HMCN1: variants seen among roughly 807,000 people sequenced by gnomAD.
HMCN1 encodes the protein hemicentin 1.
In HMCN1, 321 loss-of-function variants were observed where a neutral mutation model predicts 625.9. The ratio of observed to expected loss-of-function variants is 0.51; its 90% confidence interval spans 0.47 to 0.56. The LOEUF is 0.56. HMCN1 is among the 20% of genes least tolerant of loss of function. The pLI, the probability that HMCN1 is intolerant of heterozygous loss-of-function variation, is 0.00. For missense variants in HMCN1, 6,588 were observed against 6,887.3 expected (o/e 0.96, Z 1.54); for synonymous variants, 2,425 against 2,417.6 (o/e 1.00, Z -0.09).
intron 2 of HMCN1, among the ~76,000 whole-genome samples, chr1:185,851,729 A>G (rs977637735): frequency 6.6e-6 from 1 of 152,056 alleles, no homozygotes; most frequent in Admixed American, 6.6e-5. Flanking sequence ...TGGCAGTGAT[A>G]TGCTTTCAAG....
chr1:186,171,932 C>T (rs1652256820), intron 101 of HMCN1, 74 bp from the exon 102 acceptor site: 17 of 1,460,094 alleles, frequency 1.2e-5, no homozygotes, highest in Non-Finnish European at 1.6e-5. Flanking sequence ...CCCTAAAATC[C>T]AAAAGTATGA....
chr1:185,745,100 G>A lies in HMCN1; in HGVS notation c.268+10053G>A, dbSNP rs189978615. 2.5e-3 allele frequency among the ~76,000 whole-genome samples: 377 copies of A among 152,240 alleles called. 5 individuals are homozygous for A. The highest frequency in any genetic ancestry group is 8.8e-3 in the African/African-American group (365 of 41,556). On this transcript the variant is annotated intron_variant, in intron 1 of 106. Transcript: ENST00000271588. The stretch of plus-strand genomic sequence containing the variant: ...GAGGTTAAAATTTGAAATTAGCATA[G>A]GATGGAAGAGAAAAGATATGCAAAG...
intron 54 of HMCN1, among the ~76,000 whole-genome samples, chr1:186,077,705 T>A (rs2102366050): frequency 6.6e-6 from 1 of 152,328 alleles, no homozygotes. Context: ...ATAGTACACT[T>A]TATACTTTTA....
At position 186,174,775 on chromosome 1, in the gene HMCN1, C is replaced by T. The variant is rs575545240; in HGVS notation, c.15943+133C>T. ...ATAATAAGGTATGTGAATTGATTTA[C>T]GTCATTCAACACAATTTGGATACTT... On this transcript the variant is annotated intron_variant, in intron 103 of 106. Coordinates refer to ENST00000271588, the MANE Select transcript of HMCN1 (RefSeq NM_031935.3). The T allele has an allele frequency of 1.3e-4, 104 of 792,434 alleles. No homozygotes were observed. The South Asian group carries it at 1.4e-3, about 11-fold the overall frequency. The allele number at this position is 792,434 out of a possible 1,614,324, so 49.1% of individuals were successfully genotyped here. A position where few individuals can be genotyped will look rare whatever the true frequency, so the allele number is the denominator to read the frequency against.
At chr1:186,170,374 T>C (rs552450476) in intron 100 of HMCN1, among the ~76,000 whole-genome samples, 1 of 152,332 alleles carries the variant, frequency 6.6e-6, no homozygotes, top group African/African-American at 2.4e-5. Context: ...TCAATCATTG[T>C]GGAAGACAGT....
chr1:185,942,052 G>A (rs1049472151), intron 11 of HMCN1, among the ~76,000 whole-genome samples: 14 of 151,904 alleles, frequency 9.2e-5, no homozygotes, highest in African/African-American at 2.7e-4. Flanking sequence ...TTAGCCAGGC[G>A]TGGTGGCACA....
At position 186,145,901 on chromosome 1, in the gene HMCN1, G is replaced by A; in HGVS notation, c.14586G>A (p.Arg4862=). ...PCPGDTTQVT[R]CNVQACPGGP... Reference sequence around the variant, plus strand: ...CCGGAGACACTACTCAGGTGACCAGGTGCAATGTACAAGCATGTCCAGGTA... The same window carrying A: ...CCGGAGACACTACTCAGGTGACCAGATGCAATGTACAAGCATGTCCAGGTA... The change falls in exon 93 of 107, where the codon AGG becomes AGA. Residue 4862 remains arginine (R), a synonymous_variant. Coordinates refer to ENST00000271588, the MANE Select transcript of HMCN1 (RefSeq NM_031935.3). 1.2e-6 allele frequency: 2 copies of A among 1,614,022 alleles called. No individual in the cohort carries two copies. The highest frequency in any genetic ancestry group is 8.5e-7 in the Non-Finnish European group (1 of 1,179,990).
Position 186,001,347 on chromosome 1 carries a change from G to T in HMCN1, c.4119G>T (p.Leu1373Phe). 1 of 1,612,028 alleles carries T rather than the reference G, an allele frequency of 6.2e-7. No individual in the cohort carries two copies. Among genetic ancestry groups the T allele is most frequent in the Non-Finnish European group, 8.5e-7 (1 of 1,178,514 alleles). Residue 1373 changes from leucine (L) to phenylalanine (F), a missense_variant, in exon 27 of 107, where the codon TTG becomes TTT. This residue lies in a region of HMCN1 where 4,628 missense variants were observed against 4,853.1 expected (regional missense o/e 0.95). Transcript: ENST00000271588. ...DKEQVTNVSV[L>F]LNQLTNLFCE... ...AACAAGTTACAAATGTGTCGGTGTT[G>T]TTAAATCAGCTGACCAATCTCTTCT...
intron 11 of HMCN1, among the ~76,000 whole-genome samples, chr1:185,950,603 G>T (rs909466975): frequency 6.6e-6 from 1 of 151,730 alleles, no homozygotes; most frequent in African/African-American, 2.4e-5. Context: ...TGCCGAGATA[G>T]GTAACAGATG....
intron 83 of HMCN1, 57 bp from the exon 84 acceptor site, chr1:186,129,909 C>T (rs987838578): frequency 1.1e-5 from 17 of 1,605,706 alleles, no homozygotes; most frequent in Non-Finnish European, 1.4e-5. Context: ...ACTGAGCTGT[C>T]GTGAAATTTT....
chr1:186,141,867 G>A (rs1216059086), intron 89 of HMCN1, among the ~76,000 whole-genome samples: 1 of 152,208 alleles, frequency 6.6e-6, no homozygotes, highest in African/African-American at 2.4e-5. Context: ...AGCCCAGAGT[G>A]TCTGCCTGGA....
At chr1:185,801,263 A>G (rs1658773591) in intron 1 of HMCN1, among the ~76,000 whole-genome samples, 1 of 152,206 alleles carries the variant, frequency 6.6e-6, no homozygotes, top group Admixed American at 6.5e-5. Context: ...TCGGTGGGCT[A>G]AGATATTGTC....
chr1:186,113,816 G>C lies in HMCN1; in HGVS notation c.11132-163G>C, dbSNP rs569984744. Reference sequence around the variant, plus strand: ...TTTAAACACAAAGTATCTTGAGTAAGACTTTAGGAATTAAACCTCAATTCT... The same window carrying C: ...TTTAAACACAAAGTATCTTGAGTAACACTTTAGGAATTAAACCTCAATTCT... On this transcript the variant is annotated intron_variant, in intron 72 of 106. Transcript: ENST00000271588. 3.3e-5 allele frequency among the ~76,000 whole-genome samples: 5 copies of C among 152,284 alleles called. No homozygotes were observed. In the East Asian group the frequency reaches 9.6e-4, roughly 29 times the overall value.
chr1:185,814,575 C>T (rs1451312204), intron 1 of HMCN1, among the ~76,000 whole-genome samples: 1 of 150,842 alleles, frequency 6.6e-6, no homozygotes, highest in Non-Finnish European at 1.5e-5. Flanking sequence ...CAGTTGGCCA[C>T]TGGGGAGTTA....
At chr1:185,741,996 C>T (rs184838958) in intron 1 of HMCN1, among the ~76,000 whole-genome samples, 119 of 152,138 alleles carry the variant, frequency 7.8e-4, no homozygotes, top group African/African-American at 2.5e-3. Context: ...GTCCAACTAC[C>T]GGAATGGTTG....
intron 15 of HMCN1, among the ~76,000 whole-genome samples, chr1:185,973,110 A>G (rs1650944812): frequency 6.6e-6 from 1 of 152,090 alleles, no homozygotes; most frequent in Non-Finnish European, 1.5e-5. Flanking sequence ...CTCATCTATA[A>G]AATAATGATC....
At chr1:185,777,577 G>C (rs539147929) in intron 1 of HMCN1, among the ~76,000 whole-genome samples, 41 of 152,126 alleles carry the variant, frequency 2.7e-4, no homozygotes, top group Non-Finnish European at 3.2e-4. Context: ...TCAACCTCCT[G>C]AGTAGCTGGG....
chr1:185,886,768 AC>A (rs1664679078), intron 4 of HMCN1, among the ~76,000 whole-genome samples: 1 of 152,038 alleles, frequency 6.6e-6, no homozygotes. Flanking sequence ...CTTGACTTCT[AC>A]TTTTCCCTAC....
chr1:185,865,564 T>C (rs1663124105), intron 3 of HMCN1, among the ~76,000 whole-genome samples, 177 bp from the exon 4 acceptor site: 1 of 131,090 alleles, frequency 7.6e-6, no homozygotes. Context: ...GAGTATAAAG[T>C]CAATAATTAT....
Sources: gnomAD v4.1 joint callset for allele counts (sites outside exome capture counted in the v4.1 genomes callset) on GRCh38, gnomAD v4.1.1 for gene constraint, gnomAD v4.1.1 regional missense constraint, MANE v1.5 for transcripts, NCBI Gene and HGNC (gene_info 2026-07-23, HGNC 2026-07-21) for gene names.